Variants in DOCK7 observed in about 807,000 individuals in gnomAD.
DOCK7 encodes dedicator of cytokinesis protein 7.
DOCK7 carries 138 observed loss-of-function variants against 271.0 expected under a neutral mutation model. The ratio of observed to expected loss-of-function variants is 0.51; its 90% CI spans 0.44 to 0.59. The LOEUF (loss-of-function observed/expected upper bound fraction) is 0.59. DOCK7 is among the 20% of genes least tolerant of loss of function. The pLI is 0.00. For synonymous variants in DOCK7, 823 were observed against 876.1 expected (o/e 0.94, Z 1.07); for missense variants, 2,066 against 2,592.4 (o/e 0.80, Z 4.41).
chr1:62,471,513 C>T (rs1645830146), intron 48 of DOCK7, among the ~76,000 whole-genome samples: 1 of 152,086 alleles, frequency 6.6e-6, no homozygotes, highest in Admixed American at 6.5e-5. Context: ...AACACCCAGC[C>T]AACCAAACAT....
At chr1:62,541,652 C>G (rs1645536510) in intron 25 of DOCK7, among the ~76,000 whole-genome samples, 1 of 152,086 alleles carries the variant, frequency 6.6e-6, no homozygotes, top group South Asian at 2.1e-4. Context: ...GAATAACATA[C>G]AAAATATGAT....
intron 11 of DOCK7, among the ~76,000 whole-genome samples, chr1:62,626,921 A>G (rs1167354108): frequency 6.6e-6 from 1 of 152,138 alleles, no homozygotes; most frequent in Non-Finnish European, 1.5e-5. Flanking sequence ...CCAAAACCAG[A>G]CAGAGTCATC....
At chr1:62,657,365 A>G (rs542306874) in intron 2 of DOCK7, among the ~76,000 whole-genome samples, 9 of 152,252 alleles carry the variant, frequency 5.9e-5, no homozygotes, top group African/African-American at 2.2e-4. Flanking sequence ...AGAAATCTGA[A>G]CTTCTACTCC....
chr1:62,625,187 C>G, intron 12 of DOCK7, 72 bp downstream of exon 12: 1 of 1,517,116 alleles, frequency 6.6e-7, no homozygotes, highest in Middle Eastern at 1.7e-4. Flanking sequence ...ATAGTACAAT[C>G]ACTACCTTTC....
At position 62,596,112 on chromosome 1, in the gene DOCK7, T is replaced by C. The variant is rs530445147; in HGVS notation, c.1683-9488A>G. 2.0e-5 allele frequency among the ~76,000 whole-genome samples: 3 copies of C among 152,324 alleles called. No homozygotes were observed. In the South Asian group the frequency reaches 6.2e-4, roughly 32 times the overall value. ...ACACAGGTTAAAAGTTAGTTTCATG[T>C]GACATAATAACTAGCATTTTGAGCA... On this transcript the variant is annotated intron_variant, in intron 14 of 49. Coordinates refer to ENST00000635253, the MANE Select transcript of DOCK7 (RefSeq NM_001367561.1).
chr1:62,641,764 AC>A, intron 7 of DOCK7: 1 of 305,258 alleles, frequency 3.3e-6, no homozygotes, highest in African/African-American at 2.2e-5. Flanking sequence ...GTGTGTTTTC[AC>A]ATTTGCTTAC....
chr1:62,552,255 G>T (rs1645932439), intron 22 of DOCK7, among the ~76,000 whole-genome samples: 1 of 152,126 alleles, frequency 6.6e-6, no homozygotes, highest in Admixed American at 6.5e-5. Flanking sequence ...AGCTGCCATA[G>T]TACTCAGGTT....
chr1:62,613,671 TAC>T (rs1438110409), intron 14 of DOCK7, among the ~76,000 whole-genome samples: 6 of 152,174 alleles, frequency 3.9e-5, no homozygotes, highest in Admixed American at 3.3e-4. Flanking sequence ...ACTTTCAGAA[TAC>T]AGTTCTCTTT....
rs779811947 is a variant in DOCK7 at position 62,663,060 on chromosome 1, G to A, written c.109C>T (p.Leu37Phe). Residue 37 changes from leucine (L) to phenylalanine (F), a missense_variant, in exon 2 of 50, where the codon CTT (leucine) becomes TTT (phenylalanine). Leu to Phe is a conservative substitution (Grantham distance 22, BLOSUM62 0). Around this residue, in one of 2 missense-constraint regions of DOCK7, gnomAD observed 1,414 missense variants for 1,670.4 expected, o/e 0.85. Transcript: ENST00000635253. ...TGGGATATATTGCCAACAATATTAA[G>A]GTTTTTGAGCAGTTGGGGAGAACCA... ...YSGSPQLLKN[L>F]NIVGNISHHT... 8.7e-6 allele frequency: 14 copies of A among 1,613,580 alleles called. No individual in the cohort carries two copies. Among genetic ancestry groups the A allele is most frequent in the Non-Finnish European group, 1.1e-5 (13 of 1,179,834 alleles).
At chr1:62,468,576 G>A (rs1391160858) in intron 48 of DOCK7, among the ~76,000 whole-genome samples, 1 of 152,012 alleles carries the variant, frequency 6.6e-6, no homozygotes, top group Admixed American at 6.6e-5. Flanking sequence ...AATCAGACAA[G>A]AGAAAGAAAT....
intron 37 of DOCK7, among the ~76,000 whole-genome samples, chr1:62,497,247 G>GT (rs1397061958): frequency 6.6e-6 from 1 of 151,762 alleles, no homozygotes; most frequent in Non-Finnish European, 1.5e-5. Flanking sequence ...CTAAATACCA[G>GT]TATTCCCAAA....
intron 14 of DOCK7, among the ~76,000 whole-genome samples, chr1:62,616,647 T>TA (rs1652475728): frequency 6.6e-6 from 1 of 151,764 alleles, no homozygotes; most frequent in Non-Finnish European, 1.5e-5. Context: ...GAGACAATAA[T>TA]ACTGCCAGAA....
intron 14 of DOCK7, chr1:62,601,879 T>A (rs1571721719): frequency 6.2e-7 from 1 of 1,600,330 alleles, no homozygotes. Context: ...TGATGTTATA[T>A]CAGGTAAAAC....
chr1:62,553,312 T>TATATATATATA (rs1553168301), intron 21 of DOCK7, among the ~76,000 whole-genome samples: 3 of 20,586 alleles, frequency 1.5e-4, no homozygotes, highest in African/African-American at 6.0e-4. Context: ...AAAAAGTATT[T>TATATATATATA]TATATATATA....
At chr1:62,563,704 C>T (rs1478990945) in intron 18 of DOCK7, among the ~76,000 whole-genome samples, 1 of 151,732 alleles carries the variant, frequency 6.6e-6, no homozygotes, top group African/African-American at 2.4e-5. Flanking sequence ...ACAATGTTAA[C>T]TCCGAATGTA....
intron 16 of DOCK7, among the ~76,000 whole-genome samples, chr1:62,581,960 A>C (rs1041098598): frequency 1.3e-5 from 2 of 152,236 alleles, no homozygotes; most frequent in African/African-American, 4.8e-5. Flanking sequence ...CTAATGCTGC[A>C]AGAAACCGGA....
chr1:62,630,341 C>T (rs1304378528), intron 11 of DOCK7, among the ~76,000 whole-genome samples: 1 of 152,152 alleles, frequency 6.6e-6, no homozygotes. Flanking sequence ...TTCGGTCCAG[C>T]TCGCCACTCT....
At position 62,654,057 on chromosome 1, in the gene DOCK7, G is replaced by C. The variant is rs1657693052; in HGVS notation, c.247C>G (p.Pro83Ala). ...TAAACAACTTCAATATCATCTGGAGGAAATTCAATCAAATCCCGTAAAGGC... is the reference window on the plus strand; with the variant it reads ...TAAACAACTTCAATATCATCTGGAGCAAATTCAATCAAATCCCGTAAAGGC... ...SGPLRDLIEF[P>A]PDDIEVVYSP... The change falls in exon 3 of 50, where the codon CCT becomes GCT. Residue 83 changes from proline (P) to alanine (A), a missense_variant. Around this residue, in one of 2 missense-constraint regions of DOCK7, gnomAD observed 1,414 missense variants for 1,670.4 expected, o/e 0.85. Transcript: ENST00000635253. The C allele has an allele frequency of 6.2e-7, 1 of 1,613,784 alleles. No individual in the cohort carries two copies.
At position 62,593,820 on chromosome 1, in the gene DOCK7, G is replaced by C. The variant is rs79745783; in HGVS notation, c.1683-7196C>G. ...TGTTCTCAGTATAAAACATACAATA[G>C]GATCTTCCTATACAACATTAATTAA... On this transcript the variant is annotated intron_variant, in intron 14 of 49. Coordinates refer to ENST00000635253, the MANE Select transcript of DOCK7 (RefSeq NM_001367561.1). Among the ~76,000 whole-genome samples the C allele has an allele frequency of 1.0e-3, 152 of 152,088 alleles. 1 individual carries two copies. The highest frequency in any genetic ancestry group is 3.1e-3 in the African/African-American group (129 of 41,502).
Sources: allele counts gnomAD v4.1 joint callset (sites outside exome capture counted in the v4.1 genomes callset), GRCh38; gene constraint gnomAD v4.1.1; regional missense constraint gnomAD v4.1.1; transcripts MANE v1.5; gene names NCBI Gene and HGNC (gene_info 2026-07-23, HGNC 2026-07-21).